OLAH: variants seen among roughly 807,000 people sequenced by gnomAD.
OLAH encodes the protein oleoyl-ACP hydrolase.
OLAH carries 33 observed loss-of-function variants against 27.8 expected under a neutral mutation model. That is an observed-to-expected ratio of 1.19 (90% CI 0.90 to 1.59). The LOEUF (loss-of-function observed/expected upper bound fraction) is 1.59, where lower values mean the gene tolerates loss of function less well. OLAH is among the 40% of genes most tolerant of loss of function. The probability of loss-of-function intolerance (pLI) is 0.00; values close to 1 mark genes in which losing one functional copy is unlikely to be tolerated. For missense variants in OLAH, 359 were observed against 310.8 expected, an observed-to-expected ratio of 1.16 and a Z score of -1.17; for synonymous variants, 120 against 102.9, an observed-to-expected ratio of 1.17 and a Z score of -1.01.
chr10:15,036,771 C>T (rs1166716053), intron 1 of OLAH, among the ~76,000 whole-genome samples: 2 of 152,080 alleles, frequency 1.3e-5, no homozygotes, highest in African/African-American at 4.8e-5. Flanking sequence ...ATTACAGCCT[C>T]TCAGAATTTT....
intron 6 of OLAH, among the ~76,000 whole-genome samples, chr10:15,069,154 T>C (rs1844529721): frequency 6.6e-6 from 1 of 152,172 alleles, no homozygotes; most frequent in Non-Finnish European, 1.5e-5. Flanking sequence ...TCCCCGTGCC[T>C]GGGTTCTGTG....
chr10:15,058,284 G>C (rs981931449), intron 3 of OLAH, among the ~76,000 whole-genome samples: 4 of 151,892 alleles, frequency 2.6e-5, no homozygotes, highest in African/African-American at 7.3e-5. Flanking sequence ...GTGCACATGG[G>C]GTCTCCCTAT....
At chr10:15,033,497 GA>G (rs1843790674) in intron 1 of OLAH, among the ~76,000 whole-genome samples, 1 of 152,096 alleles carries the variant, frequency 6.6e-6, no homozygotes, top group African/African-American at 2.4e-5. Context: ...GGAGAAGAAA[GA>G]GGGGGAGGAG....
At chr10:15,067,978 G>A (rs1844501393) in intron 6 of OLAH, 2 of 152,180 alleles carry the variant, frequency 1.3e-5, no homozygotes, top group Admixed American at 1.3e-4. Context: ...ATACACTAGG[G>A]TGTTTCATAA....
At chr10:15,062,437 G>C (rs1487352953) in intron 4 of OLAH, among the ~76,000 whole-genome samples, 1 of 151,966 alleles carries the variant, frequency 6.6e-6, no homozygotes, top group Non-Finnish European at 1.5e-5. Context: ...CTACTACCCA[G>C]ATAACAATGC....
intron 3 of OLAH, among the ~76,000 whole-genome samples, chr10:15,055,758 A>G (rs1423131681): frequency 1.3e-5 from 2 of 152,174 alleles, no homozygotes; most frequent in African/African-American, 4.8e-5. Context: ...AACAGTACCA[A>G]TATAATTGAA....
intron 3 of OLAH, among the ~76,000 whole-genome samples, chr10:15,054,956 G>GT (rs1844218473): frequency 6.6e-6 from 1 of 151,728 alleles, no homozygotes; most frequent in Non-Finnish European, 1.5e-5. Context: ...TTTGTGAGGT[G>GT]TTTTTTGTTT....
intron 6 of OLAH, among the ~76,000 whole-genome samples, chr10:15,071,313 C>T (rs181390505): frequency 9.6e-4 from 146 of 152,292 alleles, no homozygotes; most frequent in African/African-American, 3.4e-3. Context: ...GTCTCTCTCC[C>T]AGCCAGTCTC....
At position 15,073,171 on chromosome 10, in the gene OLAH, A is replaced by G; in HGVS notation, c.740A>G (p.Lys247Arg). The G allele has an allele frequency of 6.2e-7, 1 of 1,611,028 alleles. No individual in the cohort carries two copies. The change falls in exon 8 of 8, where the codon AAA becomes AGA. Residue 247 changes from lysine (K) to arginine (R), a missense_variant. Transcript: ENST00000378228. ...HFYLLDPANE[K>R]LIKNYIIKCL... Reference sequence around the variant, plus strand: ...TATCTTCTGGATCCTGCGAACGAGAAATTAATCAAGAACTACATAATCAAG... The same window carrying G: ...TATCTTCTGGATCCTGCGAACGAGAGATTAATCAAGAACTACATAATCAAG...
At chr10:15,070,147 G>GTT (rs58944519) in intron 6 of OLAH, among the ~76,000 whole-genome samples, 1 of 144,674 alleles carries the variant, frequency 6.9e-6, no homozygotes. Context: ...CAGTTTCTCT[G>GTT]TTTTTTTTTT....
chr10:15,073,133 AG>A lies in OLAH; in HGVS notation c.707del (p.Gly236ValfsTer13), dbSNP rs1844625157. ...SGNAKIYQLP[G>X]GHFYLLDPAN... Reference sequence around the variant, plus strand: ...GAAATGCTAAAATTTACCAGCTTCCAGGGGGTCACTTTTATCTTCTGGATCC... The same window carrying A: ...GAAATGCTAAAATTTACCAGCTTCCAGGGGTCACTTTTATCTTCTGGATCC... On this transcript the variant is annotated frameshift_variant, in exon 8 of 8. Coordinates refer to ENST00000378228, the MANE Select transcript of OLAH (RefSeq NM_001039702.3). LOFTEE classifies it low-confidence loss of function (END_TRUNC). 1 of 1,613,458 alleles carries A rather than the reference AG, an allele frequency of 6.2e-7. No homozygotes were observed. Among genetic ancestry groups the A allele is most frequent in the Non-Finnish European group, 8.5e-7 (1 of 1,179,446 alleles).
upstream of OLAH, among the ~76,000 whole-genome samples, chr10:15,041,793 C>G (rs908204198): frequency 6.6e-6 from 1 of 151,996 alleles, no homozygotes; most frequent in Non-Finnish European, 1.5e-5. Flanking sequence ...CCAGGCTGAT[C>G]TCAAACTCCT....
chr10:15,048,108 T>C (rs1188081869), intron 2 of OLAH, among the ~76,000 whole-genome samples: 4 of 152,234 alleles, frequency 2.6e-5, no homozygotes, highest in African/African-American at 7.2e-5. Context: ...TAAATTGTGG[T>C]CACAAATGTG....
At chr10:15,053,817 C>T (rs1300844335) in intron 3 of OLAH, among the ~76,000 whole-genome samples, 2 of 151,918 alleles carry the variant, frequency 1.3e-5, no homozygotes, top group Admixed American at 6.6e-5. Context: ...CAGGCTCAAG[C>T]GATCCTCCCA....
At chr10:15,033,811 C>A (rs1259203301) in intron 1 of OLAH, among the ~76,000 whole-genome samples, 1 of 152,124 alleles carries the variant, frequency 6.6e-6, no homozygotes, top group Non-Finnish European at 1.5e-5. Context: ...TTTATAAGGG[C>A]ATTAATCCCA....
At chr10:15,051,657 A>C (rs1844145945) in intron 3 of OLAH, among the ~76,000 whole-genome samples, 1 of 152,122 alleles carries the variant, frequency 6.6e-6, no homozygotes, top group Non-Finnish European at 1.5e-5. Flanking sequence ...CTCTAAAAAA[A>C]CGGTTGTATT....
At chr10:15,055,781 A>C (rs1386027632) in intron 3 of OLAH, among the ~76,000 whole-genome samples, 1 of 152,028 alleles carries the variant, frequency 6.6e-6, no homozygotes, top group Non-Finnish European at 1.5e-5. Flanking sequence ...CTCCCTCTCC[A>C]TTTATGGCCT....
intron 3 of OLAH, 109 bp from the exon 4 acceptor site, chr10:15,061,615 C>G (rs889086882): frequency 6.7e-5 from 69 of 1,027,130 alleles, no homozygotes; most frequent in Non-Finnish European, 1.2e-5. Flanking sequence ...TAACTGTTAT[C>G]ATTCATTTCT....
chr10:15,072,141 C>A (rs1432788775), intron 7 of OLAH, among the ~76,000 whole-genome samples: 1 of 152,108 alleles, frequency 6.6e-6, no homozygotes, highest in Non-Finnish European at 1.5e-5. Context: ...ACCATGTTGG[C>A]CAGGCTGGCC....
Sources: allele counts gnomAD v4.1 joint callset (sites outside exome capture counted in the v4.1 genomes callset), GRCh38; gene constraint gnomAD v4.1.1; transcripts MANE v1.5; gene names NCBI Gene and HGNC (gene_info 2026-07-23, HGNC 2026-07-21).